PABPC4L: variants seen among roughly 807,000 people sequenced by gnomAD.
The protein encoded by PABPC4L is poly(A) binding protein cytoplasmic 4 like.
For missense variants in PABPC4L, 452 were observed against 451.4 expected, an observed-to-expected ratio of 1.00 and a Z score of -0.01; for synonymous variants, 169 against 164.1, an observed-to-expected ratio of 1.03 and a Z score of -0.23.
At chr4:134,078,740 C>A in the PABPC4L span, among the ~76,000 whole-genome samples, 2 of 151,250 alleles carry the variant, frequency 1.3e-5, no homozygotes, top group African/African-American at 2.4e-5. Flanking sequence ...CAACCTCCAC[C>A]TCCCCGTGTT....
chr4:134,111,620 C>G, the PABPC4L span, among the ~76,000 whole-genome samples: 1 of 151,816 alleles, frequency 6.6e-6, no homozygotes, highest in Non-Finnish European at 1.5e-5. Context: ...TGGAAGGGAT[C>G]CAGGGGGAGG....
At chr4:134,013,763 C>T in the PABPC4L span, among the ~76,000 whole-genome samples, 1 of 152,054 alleles carries the variant, frequency 6.6e-6, no homozygotes, top group African/African-American at 2.4e-5. Context: ...TCAGTCCCAA[C>T]CCCAAGTGTC....
chr4:134,162,454 C>T, the PABPC4L span, among the ~76,000 whole-genome samples: 1 of 152,046 alleles, frequency 6.6e-6, no homozygotes, highest in Non-Finnish European at 1.5e-5. Flanking sequence ...GTAGACAGAT[C>T]GTCAAGGTGG....
chr4:134,057,124 T>G, the PABPC4L span, among the ~76,000 whole-genome samples: 1 of 152,044 alleles, frequency 6.6e-6, no homozygotes, highest in African/African-American at 2.4e-5. Context: ...ATTTTGTGTG[T>G]GTACATTGAA....
chr4:134,160,154 TA>T, the PABPC4L span, among the ~76,000 whole-genome samples: 4 of 151,686 alleles, frequency 2.6e-5, no homozygotes, highest in African/African-American at 9.7e-5. Context: ...CAAGGTTTAG[TA>T]CCATGCTGAT....
At chr4:134,072,851 T>A in the PABPC4L span, among the ~76,000 whole-genome samples, 1 of 152,100 alleles carries the variant, frequency 6.6e-6, no homozygotes, top group Non-Finnish European at 1.5e-5. Context: ...AAATGGGCTC[T>A]TATAAACCAA....
In PABPC4L at chr4:134,201,118, A is replaced by C. The variant is rs1236576582; in HGVS notation, c.-99T>G. ...CAGCTTTGGCCCGGTTCAAGTGTGG[A>C]GGCCTCGGGATCACCACACAAAGGC... On this transcript the variant is annotated 5_prime_UTR_variant, in exon 2 of 2. Transcript: ENST00000421491. 5.8e-6 allele frequency: 9 copies of C among 1,550,474 alleles called. No homozygotes were observed. The highest frequency in any genetic ancestry group is 7.8e-6 in the Non-Finnish European group (9 of 1,146,830).
the PABPC4L span, among the ~76,000 whole-genome samples, chr4:134,007,315 T>A: frequency 6.6e-6 from 1 of 151,756 alleles, no homozygotes; most frequent in African/African-American, 2.4e-5. Flanking sequence ...GATGGCATTT[T>A]GTTTTGTCAT....
At chr4:133,994,163 G>T in the PABPC4L span, among the ~76,000 whole-genome samples, 4 of 152,188 alleles carry the variant, frequency 2.6e-5, no homozygotes, top group African/African-American at 9.6e-5. Context: ...GTCTCCCTTT[G>T]CCAGACCTTT....
chr4:134,181,274 T>C, the PABPC4L span, among the ~76,000 whole-genome samples: 1 of 151,998 alleles, frequency 6.6e-6, no homozygotes, highest in South Asian at 2.1e-4. Context: ...AAAAACCACA[T>C]AACCATCTCA....
chr4:134,132,635 C>A, the PABPC4L span, among the ~76,000 whole-genome samples: 1 of 151,606 alleles, frequency 6.6e-6, no homozygotes, highest in Admixed American at 6.6e-5. Context: ...AGTACAACCA[C>A]TATGGAAAAG....
chr4:134,093,076 C>T, the PABPC4L span, among the ~76,000 whole-genome samples: 2 of 151,438 alleles, frequency 1.3e-5, no homozygotes, highest in East Asian at 1.9e-4. Context: ...GCCATTTTCT[C>T]TTTGTCATGT....
the PABPC4L span, among the ~76,000 whole-genome samples, chr4:133,960,836 C>T: frequency 6.6e-6 from 1 of 152,018 alleles, no homozygotes; most frequent in Non-Finnish European, 1.5e-5. Flanking sequence ...CAGAGGCAGC[C>T]ATAATGCTCC....
chr4:134,178,585 A>G, the PABPC4L span, among the ~76,000 whole-genome samples: 1 of 152,164 alleles, frequency 6.6e-6, no homozygotes, highest in African/African-American at 2.4e-5. Context: ...GAATAAGAAC[A>G]GGAATGAAAA....
the PABPC4L span, among the ~76,000 whole-genome samples, chr4:134,184,033 C>A: frequency 1.3e-5 from 2 of 151,648 alleles, no homozygotes; most frequent in African/African-American, 4.8e-5. Context: ...ATAATCAAGA[C>A]AATCTTAAGT....
the PABPC4L span, among the ~76,000 whole-genome samples, chr4:134,019,254 G>C: frequency 6.6e-6 from 1 of 152,106 alleles, no homozygotes. Context: ...AATGACAAGG[G>C]ATGAATTGAA....
chr4:133,953,238 C>G, the PABPC4L span, among the ~76,000 whole-genome samples: 1 of 152,140 alleles, frequency 6.6e-6, no homozygotes, highest in Non-Finnish European at 1.5e-5. Context: ...CCTCCTGTCT[C>G]TTTTCTGAGA....
the PABPC4L span, among the ~76,000 whole-genome samples, chr4:134,092,473 C>T: frequency 6.6e-6 from 1 of 151,948 alleles, no homozygotes; most frequent in Non-Finnish European, 1.5e-5. Flanking sequence ...TTCCCATGAC[C>T]TGATACTTCC....
At chr4:134,138,669 T>A in the PABPC4L span, among the ~76,000 whole-genome samples, 2 of 151,856 alleles carry the variant, frequency 1.3e-5, no homozygotes, top group African/African-American at 4.8e-5. Context: ...AATTTTAATT[T>A]TTTTTGAAAT....
Sources: allele counts gnomAD v4.1 joint callset (sites outside exome capture counted in the v4.1 genomes callset), GRCh38; gene constraint gnomAD v4.1.1; transcripts MANE v1.5; gene names NCBI Gene and HGNC (gene_info 2026-07-23, HGNC 2026-07-21).